Variants in MYPN observed in about 807,000 individuals in gnomAD.
MYPN encodes the protein sarcomeric protein myopalladin, 145 kDa (MYOP).
MYPN carries 63 observed loss-of-function variants against 129.4 expected under a neutral mutation model. The ratio of observed to expected loss-of-function variants is 0.49; its 90% CI spans 0.40 to 0.60. The LOEUF (loss-of-function observed/expected upper bound fraction) is 0.60. MYPN is among the 20% of genes least tolerant of loss of function. MYPN has a pLI of 0.00. For synonymous variants in MYPN, 629 were observed against 600.9 expected (o/e 1.05, Z -0.68); for missense variants, 1,596 against 1,635.4 (o/e 0.98, Z 0.42).
At chr10:68,159,057 T>C (rs1401525029) in intron 7 of MYPN, among the ~76,000 whole-genome samples, 1 of 152,156 alleles carries the variant, frequency 6.6e-6, no homozygotes, top group Non-Finnish European at 1.5e-5. Flanking sequence ...GTTATTGCCT[T>C]GGAATAAATT....
intron 10 of MYPN, among the ~76,000 whole-genome samples, chr10:68,171,212 C>A (rs1185422060): frequency 6.6e-6 from 1 of 151,906 alleles, no homozygotes; most frequent in African/African-American, 2.4e-5. Flanking sequence ...ATTCCCCACT[C>A]CCTACCACCC....
chr10:68,147,228 C>T (rs982612548), intron 4 of MYPN, among the ~76,000 whole-genome samples: 4 of 152,156 alleles, frequency 2.6e-5, no homozygotes, highest in South Asian at 4.1e-4. Flanking sequence ...GATCTCAGCT[C>T]ACTGCAACCT....
At chr10:68,166,193 A>G in intron 9 of MYPN, 101 bp from the exon 10 acceptor site, 1 of 1,373,160 alleles carries the variant, frequency 7.3e-7, no homozygotes, top group Non-Finnish European at 1.0e-6. Flanking sequence ...GCATTTTCCC[A>G]TTCATACATT....
intron 8 of MYPN, among the ~76,000 whole-genome samples, chr10:68,162,453 G>A (rs931846365): frequency 1.3e-5 from 2 of 152,200 alleles, no homozygotes; most frequent in African/African-American, 4.8e-5. Flanking sequence ...GAAGCTTGCA[G>A]AGATTCAATA....
At chr10:68,094,254 T>C (rs1349492380) in intron 1 of MYPN, among the ~76,000 whole-genome samples, 2 of 152,058 alleles carry the variant, frequency 1.3e-5, no homozygotes, top group African/African-American at 4.8e-5. Context: ...TCGGCCTTAT[T>C]TTATTTTTTA....
intron 10 of MYPN, among the ~76,000 whole-genome samples, chr10:68,169,290 G>A (rs1189849256): frequency 3.3e-5 from 5 of 149,296 alleles, no homozygotes; most frequent in South Asian, 2.1e-4. Flanking sequence ...CCCAGGAGGT[G>A]GAGCTTGCAG....
chr10:68,137,488 G>T (rs2042505340), intron 2 of MYPN, among the ~76,000 whole-genome samples: 1 of 152,146 alleles, frequency 6.6e-6, no homozygotes, highest in African/African-American at 2.4e-5. Flanking sequence ...TTTGTGCTCT[G>T]CTATACTGAA....
At chr10:68,103,054 G>A (rs754073763), upstream of MYPN, among the ~76,000 whole-genome samples, 2 of 152,180 alleles carry the variant, frequency 1.3e-5, no homozygotes, top group African/African-American at 2.4e-5. Context: ...GGAATGAAGA[G>A]CAATTTGGAG....
In MYPN at chr10:68,174,278, C is replaced by A. The variant is rs1210466686; in HGVS notation, c.2186C>A (p.Ser729Tyr). 3 of 1,614,018 alleles carry A rather than the reference C, an allele frequency of 1.9e-6. No individual in the cohort carries two copies. Among genetic ancestry groups the A allele is most frequent in the African/African-American group, 2.7e-5 (2 of 74,888 alleles). Residue 729 changes from serine (S) to tyrosine (Y), a missense_variant, in exon 11 of 20, where the codon TCC becomes TAC. Transcript: ENST00000358913. The stretch of plus-strand genomic sequence containing the variant: ...GCCCGGCCGAAGTATTTCTTCCCCT[C>A]CACGAACACCACCGCAGCAACTGTG... Reference protein sequence around the residue: ...SLARPKYFFPSTNTTAATVAP... With the variant: ...SLARPKYFFPYTNTTAATVAP...
intron 13 of MYPN, among the ~76,000 whole-genome samples, chr10:68,189,775 A>G (rs1005267465): frequency 1.3e-5 from 2 of 152,210 alleles, no homozygotes. Context: ...TCATTGATGG[A>G]CACATAGGTT....
intron 1 of MYPN, among the ~76,000 whole-genome samples, chr10:68,090,215 T>C (rs555002440): frequency 6.6e-6 from 1 of 152,124 alleles, no homozygotes; most frequent in Non-Finnish European, 1.5e-5. Context: ...CAGGTTGGAG[T>C]GCAGTGGCGC....
chr10:68,125,577 A>C (rs1305895840), intron 2 of MYPN, among the ~76,000 whole-genome samples: 1 of 152,220 alleles, frequency 6.6e-6, no homozygotes, highest in East Asian at 1.9e-4. Flanking sequence ...ACACAATATA[A>C]ATATGCATCC....
intron 1 of MYPN, 110 bp from the exon 2 acceptor site, chr10:68,121,328 T>C (rs968407507): frequency 1.1e-6 from 1 of 914,394 alleles, no homozygotes; most frequent in Non-Finnish European, 1.6e-6. Flanking sequence ...AATTAGGCAA[T>C]TCTTTATTTT....
At chr10:68,181,901 C>T (rs1364643875) in intron 12 of MYPN, among the ~76,000 whole-genome samples, 3 of 152,100 alleles carry the variant, frequency 2.0e-5, no homozygotes, top group Non-Finnish European at 2.9e-5. Flanking sequence ...CATTTAATCT[C>T]CCTCGCTAAA....
rs77239226 is a variant in MYPN, at chr10:68,094,629, G to T, written c.-2+6637G>T. ...AGTCACCGTGGTTCAAACACCTCTG[G>T]CATAGGTAGCAGCATTTAATACAAA... On this transcript the variant is annotated intron_variant, in intron 1 of 6. Transcript: ENST00000685154. 8.8e-3 allele frequency among the ~76,000 whole-genome samples: 1,318 copies of T among 148,942 alleles called. 25 individuals are homozygous for T. Among genetic ancestry groups the T allele is most frequent in the African/African-American group, 0.03 (1,231 of 40,418 alleles).
Position 68,174,343 on chromosome 10 carries a change from C to G in MYPN, c.2251C>G (p.Pro751Ala). 6.2e-7 allele frequency: 1 copy of G among 1,614,156 alleles called. No homozygotes were observed. The highest frequency in any genetic ancestry group is 8.5e-7 in the Non-Finnish European group (1 of 1,180,036). ...SSPVFTLSSTPQTIQRTVSKE... is the reference protein window; with the variant it reads ...SSPVFTLSSTAQTIQRTVSKE... ...TCCGGTGTTCACTTTGAGCAGCACT[C>G]CTCAAACTATTCAGAGGACAGTGAG... is the stretch of plus-strand genomic sequence containing the variant. Residue 751 changes from proline to alanine, a missense_variant, in exon 11 of 20, where the codon CCT (proline) becomes GCT (alanine). By Grantham distance (27) the Pro-to-Ala change is conservative (BLOSUM62 -1). Transcript: ENST00000358913.
At position 68,182,297 on chromosome 10, in the gene MYPN, TATATATAACACACACATATATATAAC is replaced by T; in HGVS notation, c.2704-6600_2704-6575del. Among the ~76,000 whole-genome samples the T allele has an allele frequency of 9.1e-5, 2 of 21,892 alleles. 1 individual carries two copies. Among genetic ancestry groups the T allele is most frequent in the Middle Eastern group, 0.056 (2 of 36 alleles). 14.4% of individuals were successfully genotyped at this position (21,892 alleles called of 152,430 possible). On this transcript the variant is annotated intron_variant, in intron 12 of 19. Coordinates refer to ENST00000358913, the MANE Select transcript of MYPN (RefSeq NM_032578.4). Reference sequence around the variant, plus strand: ...ATATAACACACATATATATATAACATATATATAACACACACATATATATAACATATATATAACACACACATATATAA... The same window carrying T: ...ATATAACACACATATATATATAACATATATATATAACACACACATATATAA...
At position 68,141,559 on chromosome 10, in the gene MYPN, A is replaced by G. The variant is rs1589548749; in HGVS notation, c.903-1381A>G. 2.0e-5 allele frequency among the ~76,000 whole-genome samples: 3 copies of G among 152,192 alleles called. No homozygotes were observed. The South Asian group carries it at 6.2e-4, about 32-fold the overall frequency. On this transcript the variant is annotated intron_variant, in intron 2 of 19. Coordinates refer to ENST00000358913, the MANE Select transcript of MYPN (RefSeq NM_032578.4). ...GTTGATTAATAGTTATTATTTCAAA[A>G]AATGAAAAAATGTAAAAGGGTACAC...
intron 16 of MYPN, among the ~76,000 whole-genome samples, chr10:68,197,769 C>A (rs1194898612): frequency 6.6e-6 from 1 of 152,040 alleles, no homozygotes; most frequent in Admixed American, 6.6e-5. Context: ...CAGTAGTTCC[C>A]CCTTATCTGA....
Sources: gnomAD v4.1 joint callset for allele counts (sites outside exome capture counted in the v4.1 genomes callset) on GRCh38, gnomAD v4.1.1 for gene constraint, MANE v1.5 for transcripts, NCBI Gene and HGNC (gene_info 2026-07-23, HGNC 2026-07-21) for gene names.